ITGA9: variants seen among roughly 807,000 people sequenced by gnomAD.
ITGA9 encodes integrin subunit alpha 9.
ITGA9 carries 56 observed loss-of-function variants against 127.8 expected under a neutral mutation model. The ratio of observed to expected loss-of-function variants is 0.44; its 90% CI spans 0.35 to 0.55. The LOEUF is 0.55. Among genes scored for constraint, ITGA9 ranks in the 20% least tolerant of loss-of-function variants. The pLI, the probability that ITGA9 is intolerant of heterozygous loss-of-function variation, is 0.00. For synonymous variants in ITGA9, 508 were observed against 514.5 expected (o/e 0.99, Z 0.17); for missense variants, 1,196 against 1,347.1 (o/e 0.89, Z 1.76).
At chr3:37,689,444 G>A (rs1034477131) in intron 18 of ITGA9, among the ~76,000 whole-genome samples, 5 of 152,198 alleles carry the variant, frequency 3.3e-5, no homozygotes, top group African/African-American at 1.2e-4. Context: ...CCAGAGCACA[G>A]GGTATTATGG....
At chr3:37,525,078 A>T (rs888980905) in intron 12 of ITGA9, among the ~76,000 whole-genome samples, 3 of 152,182 alleles carry the variant, frequency 2.0e-5, no homozygotes, top group Non-Finnish European at 2.9e-5. Flanking sequence ...ACCCTCTTGG[A>T]CTCAGATACT....
chr3:37,700,749 G>T (rs1700937798), intron 18 of ITGA9, among the ~76,000 whole-genome samples: 1 of 152,146 alleles, frequency 6.6e-6, no homozygotes, highest in Non-Finnish European at 1.5e-5. Context: ...AATGGATGGT[G>T]GGCAAATAAA....
At chr3:37,539,214 C>T (rs7622717) in intron 14 of ITGA9, among the ~76,000 whole-genome samples, 6,135 of 152,284 alleles carry the variant, frequency 0.04, 400 homozygotes, top group African/African-American at 0.14. Context: ...AATTTATTTG[C>T]TTTTCCTTAC....
chr3:37,722,303 T>C (rs574564505), intron 18 of ITGA9, among the ~76,000 whole-genome samples: 1 of 152,342 alleles, frequency 6.6e-6, no homozygotes, highest in South Asian at 2.1e-4. Context: ...TTTAAACAGA[T>C]TCGTTGAGAT....
chr3:37,767,262 C>T (rs1575228482), intron 23 of ITGA9, among the ~76,000 whole-genome samples: 2 of 152,190 alleles, frequency 1.3e-5, no homozygotes, highest in Non-Finnish European at 2.9e-5. Context: ...TCCTCTGAAA[C>T]GTTGGTCTGG....
rs1698925942 is a variant in ITGA9 at position 37,512,104 on chromosome 3, C to T, written c.898-1659C>T. On this transcript the variant is annotated intron_variant, in intron 8 of 27. Transcript: ENST00000264741. Reference sequence around the variant, plus strand: ...TCCTTCCTTCCTTCCTTCCTTCCTTCCTTCCTTCCTTCCTTCTTTCTTTTC... The same window carrying T: ...TCCTTCCTTCCTTCCTTCCTTCCTTTCTTCCTTCCTTCCTTCTTTCTTTTC... 6.6e-5 allele frequency among the ~76,000 whole-genome samples: 7 copies of T among 105,636 alleles called. 1 individual carries two copies. In the South Asian group the frequency reaches 1.3e-3, roughly 20 times the overall value. The allele number at this position is 105,636 out of a possible 152,430, so 69.3% of individuals were successfully genotyped here.
intron 17 of ITGA9, among the ~76,000 whole-genome samples, chr3:37,659,554 C>G (rs1349813137): frequency 6.6e-6 from 1 of 151,866 alleles, no homozygotes; most frequent in Non-Finnish European, 1.5e-5. Flanking sequence ...CTTCTCTAAA[C>G]TGGTTATTTT....
At chr3:37,675,086 A>G (rs1700668597) in intron 17 of ITGA9, among the ~76,000 whole-genome samples, 1 of 152,128 alleles carries the variant, frequency 6.6e-6, no homozygotes, top group Admixed American at 6.5e-5. Flanking sequence ...TCCCTTTTAT[A>G]TTTATGTGCT....
chr3:37,469,338 G>A (rs868532724), intron 1 of ITGA9, among the ~76,000 whole-genome samples: 22 of 152,132 alleles, frequency 1.4e-4, no homozygotes, highest in Non-Finnish European at 1.0e-4. Flanking sequence ...TTATAATTCC[G>A]CACTGCTGCT....
chr3:37,606,378 C>T (rs1017937860), intron 15 of ITGA9, among the ~76,000 whole-genome samples: 16 of 152,082 alleles, frequency 1.1e-4, no homozygotes, highest in African/African-American at 1.4e-4. Context: ...AGCCACTGCG[C>T]GGCTGCTGAG....
chr3:37,734,009 G>A (rs745971311), intron 19 of ITGA9, among the ~76,000 whole-genome samples: 12 of 152,208 alleles, frequency 7.9e-5, no homozygotes, highest in African/African-American at 1.7e-4. Context: ...TATCAGGCAC[G>A]TGTGGGAATG....
chr3:37,470,994 T>A lies in ITGA9; in HGVS notation c.186-13T>A, dbSNP rs1332384533. On this transcript the variant is annotated splice_polypyrimidine_tract_variant and intron_variant, in intron 1 of 27. Transcript: ENST00000264741. ...CGTAGGTTGTGACAGAATGCCTTTT[T>A]CTCTTGCTGCAGGGTCCTTGTGGGC... 1 of 1,613,992 alleles carries A rather than the reference T, an allele frequency of 6.2e-7. No individual in the cohort carries two copies. Among genetic ancestry groups the A allele is most frequent in the Admixed American group, 1.7e-5 (1 of 60,014 alleles).
chr3:37,486,150 G>A (rs1579057734), intron 4 of ITGA9, among the ~76,000 whole-genome samples: 1 of 152,238 alleles, frequency 6.6e-6, no homozygotes, highest in East Asian at 1.9e-4. Flanking sequence ...AACTTAGCAG[G>A]AGTGAGACTG....
chr3:37,537,363 C>T (rs267546), intron 14 of ITGA9, among the ~76,000 whole-genome samples: 86,006 of 151,626 alleles, frequency 0.57, 24,852 homozygotes, highest in East Asian at 0.81. Flanking sequence ...AGGCTCCCTC[C>T]GATGCTCCAT....
At chr3:37,558,788 G>T (rs1699455844) in intron 15 of ITGA9, among the ~76,000 whole-genome samples, 1 of 152,120 alleles carries the variant, frequency 6.6e-6, no homozygotes, top group African/African-American at 2.4e-5. Flanking sequence ...CAGACTCCTG[G>T]CTCTGCCTGT....
At chr3:37,602,492 T>C (rs943729319) in intron 15 of ITGA9, among the ~76,000 whole-genome samples, 3 of 152,148 alleles carry the variant, frequency 2.0e-5, no homozygotes, top group Non-Finnish European at 4.4e-5. Context: ...ATTTCCTTAA[T>C]TTAATGAAAT....
At chr3:37,515,950 G>A (rs197736) in intron 9 of ITGA9, among the ~76,000 whole-genome samples, 1 of 152,172 alleles carries the variant, frequency 6.6e-6, no homozygotes, top group Admixed American at 6.5e-5. Context: ...GGAACTCTTG[G>A]CACCTGCATA....
chr3:37,747,596 ATGAGTTCAATTGTTTTGGTTT>A (rs1432687880), intron 22 of ITGA9, among the ~76,000 whole-genome samples: 1 of 135,254 alleles, frequency 7.4e-6, no homozygotes, highest in African/African-American at 2.8e-5. Context: ...CTCTGTCTGC[ATGAGTTCAATTGTTTTGGTTT>A]TGAGTTCAAT....
chr3:37,581,352 A>C (rs1699707757), intron 15 of ITGA9, among the ~76,000 whole-genome samples: 1 of 152,026 alleles, frequency 6.6e-6, no homozygotes, highest in Non-Finnish European at 1.5e-5. Context: ...GAAAGAGAAC[A>C]CTCAAACATG....
Sources: gnomAD v4.1 joint callset for allele counts (sites outside exome capture counted in the v4.1 genomes callset) on GRCh38, gnomAD v4.1.1 for gene constraint, MANE v1.5 for transcripts, NCBI Gene and HGNC (gene_info 2026-07-23, HGNC 2026-07-21) for gene names.